The following PHF24 variants were observed in gnomAD, a reference collection of about 807,000 sequenced individuals.
PHF24 encodes Galpha inhibitory interacting protein.
PHF24 carries 25 observed loss-of-function variants against 42.6 expected under a neutral mutation model. The observed-to-expected ratio is 0.59, with a 90% confidence interval of 0.43 to 0.82. The LOEUF (loss-of-function observed/expected upper bound fraction) is 0.82. PHF24 is among the 40% of genes least tolerant of loss of function. The pLI is 0.00. For missense variants in PHF24, 470 were observed against 538.1 expected, an observed-to-expected ratio of 0.87 and a Z score of 1.25; for synonymous variants, 185 against 204.8, an observed-to-expected ratio of 0.90 and a Z score of 0.83.
chr9:34,772,812 C>T, the PHF24 span, among the ~76,000 whole-genome samples: 1 of 152,014 alleles, frequency 6.6e-6, no homozygotes, highest in Admixed American at 6.6e-5. Flanking sequence ...ACCAGTATAA[C>T]CTCATGTTTA....
At chr9:34,679,613 G>T in the PHF24 span, among the ~76,000 whole-genome samples, 1 of 152,208 alleles carries the variant, frequency 6.6e-6, no homozygotes, top group Non-Finnish European at 1.5e-5. Context: ...TACTCAGGAG[G>T]CTGAGGCATG....
the PHF24 span, chr9:34,723,217 G>A: frequency 6.5e-7 from 1 of 1,548,540 alleles, no homozygotes; most frequent in African/African-American, 1.4e-5. Context: ...TTCTATCTGA[G>A]GTGAGGGTCA....
the PHF24 span, chr9:34,727,084 A>G: frequency 1.4e-6 from 2 of 1,467,926 alleles, no homozygotes; most frequent in South Asian, 2.8e-5. Flanking sequence ...CCCAGTCCTG[A>G]AAACCCTGGG....
At chr9:34,923,782 T>C in the PHF24 span, among the ~76,000 whole-genome samples, 1 of 152,152 alleles carries the variant, frequency 6.6e-6, no homozygotes, top group Non-Finnish European at 1.5e-5. Context: ...TTCATTTCAT[T>C]GATTTTTTAT....
chr9:34,922,688 A>T, the PHF24 span: 2 of 1,366,570 alleles, frequency 1.5e-6, no homozygotes, highest in Non-Finnish European at 2.1e-6. Context: ...TTCTTGAGCC[A>T]TCTGCTGTTT....
the PHF24 span, among the ~76,000 whole-genome samples, chr9:34,758,779 A>T: frequency 6.6e-6 from 1 of 152,072 alleles, no homozygotes; most frequent in East Asian, 1.9e-4. This position sits in a 1 kb window ranked among gnomAD's most constrained non-coding sequence, Gnocchi z 4.4. Flanking sequence ...AGCTCTCTAT[A>T]CTGGGCTCAG....
chr9:34,745,764 A>ATT, the PHF24 span, among the ~76,000 whole-genome samples: 3 of 151,872 alleles, frequency 2.0e-5, no homozygotes, highest in Non-Finnish European at 4.4e-5. Context: ...TTAAAAAAAC[A>ATT]TTTCAAAAGT....
chr9:34,977,914 C>A, intron 7 of PHF24, 101 bp from the exon 8 acceptor site: 1 of 920,498 alleles, frequency 1.1e-6, no homozygotes. Context: ...TCAGGGCTCA[C>A]GCGTCTTCAA....
At chr9:34,749,955 A>T in the PHF24 span, among the ~76,000 whole-genome samples, 1 of 152,294 alleles carries the variant, frequency 6.6e-6, no homozygotes, top group African/African-American at 2.4e-5. Flanking sequence ...GAAGGAAAAA[A>T]ACTTTTACCC....
the PHF24 span, among the ~76,000 whole-genome samples, chr9:34,711,989 T>A: frequency 6.6e-6 from 1 of 152,364 alleles, no homozygotes; most frequent in African/African-American, 2.4e-5. Flanking sequence ...TTAGCTTTTC[T>A]TGTGGGCAGG....
chr9:34,963,433 T>G (rs1470032437), intron 1 of PHF24, among the ~76,000 whole-genome samples: 2 of 152,184 alleles, frequency 1.3e-5, no homozygotes, highest in Non-Finnish European at 2.9e-5. Context: ...TGGCTTTTCC[T>G]AAGGCTCTCA....
chr9:34,822,865 G>A, the PHF24 span, among the ~76,000 whole-genome samples: 23 of 152,158 alleles, frequency 1.5e-4, no homozygotes, highest in East Asian at 3.9e-4. Context: ...CTCCTCATTC[G>A]TACTTCATCT....
At chr9:34,789,398 G>A in the PHF24 span, among the ~76,000 whole-genome samples, 2 of 152,240 alleles carry the variant, frequency 1.3e-5, no homozygotes, top group African/African-American at 2.4e-5. Context: ...CCAAAGGACC[G>A]AGGACTCTGC....
At chr9:34,666,994 C>A in the PHF24 span, among the ~76,000 whole-genome samples, 3 of 152,142 alleles carry the variant, frequency 2.0e-5, no homozygotes, top group African/African-American at 7.2e-5. Context: ...ACCTTGTCTG[C>A]CCTCTGAGAG....
chr9:34,967,475 A>G (rs563269787), intron 1 of PHF24, among the ~76,000 whole-genome samples: 1 of 152,382 alleles, frequency 6.6e-6, no homozygotes, highest in East Asian at 1.9e-4. Context: ...TCTGAGCCAC[A>G]GTTGAAAGTT....
chr9:34,852,202 T>G, the PHF24 span, among the ~76,000 whole-genome samples: 1 of 152,222 alleles, frequency 6.6e-6, no homozygotes, highest in Admixed American at 6.5e-5. Context: ...TACTTTATTG[T>G]AAGAATACAA....
chr9:34,976,446 T>G (rs1587480109), intron 4 of PHF24, 89 bp from the exon 5 acceptor site: 6 of 1,385,112 alleles, frequency 4.3e-6, no homozygotes, highest in Non-Finnish European at 6.0e-6. Context: ...AGCTGTGGGT[T>G]TGGGGGCCCC....
chr9:34,928,770 C>T, the PHF24 span, among the ~76,000 whole-genome samples: 8 of 152,290 alleles, frequency 5.3e-5, no homozygotes, highest in East Asian at 1.2e-3. Flanking sequence ...TATCATCCAG[C>T]TTATCTCTAA....
intron 3 of PHF24, among the ~76,000 whole-genome samples, chr9:34,975,025 C>T (rs1480273941): frequency 1.3e-5 from 2 of 151,886 alleles, no homozygotes; most frequent in Non-Finnish European, 2.9e-5. Flanking sequence ...GTTGCGGCAG[C>T]CCCCAACTGC....
Sources: allele counts gnomAD v4.1 joint callset (sites outside exome capture counted in the v4.1 genomes callset), GRCh38; gene constraint gnomAD v4.1.1; non-coding constraint Gnocchi (gnomAD v3.1); transcripts MANE v1.5; gene names NCBI Gene and HGNC (gene_info 2026-07-23, HGNC 2026-07-21).